CEP131: variants seen among roughly 807,000 people sequenced by gnomAD.
The protein encoded by CEP131 is centrosomal protein 131.
A neutral mutation model predicts 136.8 loss-of-function variants in CEP131; 99 were observed. That is an observed-to-expected ratio of 0.72 (90% CI 0.62 to 0.86). The LOEUF (loss-of-function observed/expected upper bound fraction) is 0.86, where lower values mean the gene tolerates loss of function less well. Among genes scored for constraint, CEP131 ranks in the 40% least tolerant of loss-of-function variants. The pLI is 0.00. For synonymous variants in CEP131, 646 were observed against 612.7 expected, an observed-to-expected ratio of 1.05 and a Z score of -0.80; for missense variants, 1,459 against 1,463.0, an observed-to-expected ratio of 1.00 and a Z score of 0.04.
rs768583643 is a variant in CEP131, at chr17:81,192,853, G to A, written c.2322-10C>T. The A allele has an allele frequency of 7.9e-5, 126 of 1,595,336 alleles. No homozygotes were observed. Among genetic ancestry groups the A allele is most frequent in the Non-Finnish European group, 9.6e-5 (113 of 1,178,540 alleles). ...CAGGTGCTGCTGGAACCTGCGGGACGGTCAGGACTGGCTCTCGGGGGCCGG... is the reference window on the plus strand; with the variant it reads ...CAGGTGCTGCTGGAACCTGCGGGACAGTCAGGACTGGCTCTCGGGGGCCGG... On this transcript the variant is annotated splice_polypyrimidine_tract_variant and intron_variant, in intron 18 of 25. Coordinates refer to ENST00000450824, the MANE Select transcript of CEP131 (RefSeq NM_014984.4).
chr17:81,201,547 T>C (rs1011760692), intron 7 of CEP131, among the ~76,000 whole-genome samples: 13 of 152,228 alleles, frequency 8.5e-5, no homozygotes, highest in African/African-American at 2.9e-4. Flanking sequence ...TTGCCTTTAA[T>C]GTTGTTTTAA....
Position 81,191,453 on chromosome 17 carries a change from T to A in CEP131, c.2623-118A>T. ...TGAGCCACAGGGGAGCAAGGGGCCTTCCCCCTCTCCAGACCCCTGTCCAGG... is the reference window on the plus strand; with the variant it reads ...TGAGCCACAGGGGAGCAAGGGGCCTACCCCCTCTCCAGACCCCTGTCCAGG... On this transcript the variant is annotated intron_variant, in intron 21 of 25. Transcript: ENST00000450824. 4 of 925,018 alleles carry A rather than the reference T, an allele frequency of 4.3e-6. No individual in the cohort carries two copies. The South Asian group carries it at 5.9e-5, about 14-fold the overall frequency. 57.3% of individuals were successfully genotyped at this position (925,018 alleles called of 1,614,324 possible).
Position 81,208,932 on chromosome 17 carries a change from G to T in CEP131, c.268C>A (p.Pro90Thr). Residue 90 changes from proline to threonine, a missense_variant, in exon 3 of 26, where the codon CCC (proline) becomes ACC (threonine). This residue lies in a region of CEP131 where 187 missense variants were observed against 179.9 expected (regional missense o/e 1.04). Coordinates refer to ENST00000450824, the MANE Select transcript of CEP131 (RefSeq NM_014984.4). This position sits in a 1 kb window ranked among gnomAD's most constrained non-coding sequence, Gnocchi z 5.6. ...TQVSQPRSGS[P>T]RPTEPTDFLM... Reference sequence around the variant, plus strand: ...TCCAAGGGCCTTAGGGGTTACCTGGGGGAGCCGCTCCGAGGCTGGCTGACC... The same window carrying T: ...TCCAAGGGCCTTAGGGGTTACCTGGTGGAGCCGCTCCGAGGCTGGCTGACC... 6.2e-7 allele frequency: 1 copy of T among 1,613,452 alleles called. No individual in the cohort carries two copies.
At chr17:81,200,206 C>A in intron 8 of CEP131, 123 bp downstream of exon 8, 1 of 775,304 alleles carries the variant, frequency 1.3e-6, no homozygotes, top group South Asian at 1.8e-5. Flanking sequence ...GATGCTGCAC[C>A]CAGAGACGGG....
In CEP131 at chr17:81,199,802, A is replaced by G; in HGVS notation, c.940T>C (p.Leu314=). 6.2e-7 allele frequency: 1 copy of G among 1,611,678 alleles called. No individual in the cohort carries two copies. The highest frequency in any genetic ancestry group is 8.5e-7 in the Non-Finnish European group (1 of 1,179,958). ...GCCTCTTTCTGCTGGTGCAGGTCCA[A>G]GAGGGTCCCCTCGCCTGACCGCTGC... ...QRQRSGEGTL[L]DLHQQKEAAR... The change falls in exon 9 of 26, where the codon TTG becomes CTG. Residue 314 remains leucine, a synonymous_variant. Transcript: ENST00000450824.
At position 81,192,363 on chromosome 17, in the gene CEP131, C is replaced by T. The variant is rs576170952; in HGVS notation, c.2577G>A (p.Leu859=). The part of the protein sequence containing the change: ...QMELNTLKQQ[L]ELERQAWEAG... Reference sequence around the variant, plus strand: ...CCTCCCACGCCTGCCTCTCCAGCTCCAGCTGCTGCTTCAGGGTATTCAGCT... The same window carrying T: ...CCTCCCACGCCTGCCTCTCCAGCTCTAGCTGCTGCTTCAGGGTATTCAGCT... The change falls in exon 21 of 26, where the codon CTG becomes CTA. Residue 859 remains leucine (L), a synonymous_variant. Coordinates refer to ENST00000450824, the MANE Select transcript of CEP131 (RefSeq NM_014984.4). 1.0e-4 allele frequency: 163 copies of T among 1,594,212 alleles called. No homozygotes were observed. In the Admixed American group the frequency reaches 2.8e-3, roughly 28 times the overall value.
chr17:81,220,629 G>A (rs886211949), intron 1 of CEP131, among the ~76,000 whole-genome samples: 6 of 152,004 alleles, frequency 3.9e-5, no homozygotes, highest in African/African-American at 1.4e-4. Flanking sequence ...TGAGTAGCTG[G>A]GATTACAGGT....
rs536041606 is a variant in CEP131, at chr17:81,208,685, C to G, written c.272+243G>C. Among the ~76,000 whole-genome samples, 72 of 152,320 alleles carry G rather than the reference C, an allele frequency of 4.7e-4. No individual in the cohort carries two copies. The highest frequency in any genetic ancestry group is 1.6e-3 in the African/African-American group (67 of 41,570). On this transcript the variant is annotated intron_variant, in intron 3 of 25. Transcript: ENST00000450824. This position sits in a 1 kb window ranked among gnomAD's most constrained non-coding sequence, Gnocchi z 5.6. ...AGGGTCCCAGCAGCCGCCGGGACAG[C>G]AAGGAGGAAGGGAGGGATGCAGTGC...
At chr17:81,220,333 G>A (rs529125734) in intron 1 of CEP131, among the ~76,000 whole-genome samples, 23 of 152,294 alleles carry the variant, frequency 1.5e-4, no homozygotes, top group Admixed American at 5.2e-4. Context: ...GGCAAGGCCC[G>A]TGGGTGGGAA....
rs2061673422 is a variant in CEP131 at position 81,192,836 on chromosome 17, G to T, written c.2329C>A (p.Gln777Lys). The T allele has an allele frequency of 2.5e-6, 4 of 1,597,632 alleles. No individual in the cohort carries two copies. The East Asian group carries it at 8.9e-5, about 36-fold the overall frequency. The change falls in exon 19 of 26, where the codon CAG becomes AAG. Residue 777 changes from glutamine to lysine, a missense_variant. Gln to Lys is a moderately conservative substitution (Grantham distance 53). Coordinates refer to ENST00000450824, the MANE Select transcript of CEP131 (RefSeq NM_014984.4). ...ERERARQRFQ[Q>K]HLEQEQWALQ... is the part of the protein sequence containing the mutation. ...GCCCACTGCTCCTGCTCCAGGTGCTGCTGGAACCTGCGGGACGGTCAGGAC... is the reference window on the plus strand; with the variant it reads ...GCCCACTGCTCCTGCTCCAGGTGCTTCTGGAACCTGCGGGACGGTCAGGAC...
chr17:81,193,625 A>C (rs1432442376), intron 18 of CEP131, among the ~76,000 whole-genome samples: 1 of 152,152 alleles, frequency 6.6e-6, no homozygotes, highest in Admixed American at 6.5e-5. Flanking sequence ...CTCTGGGGCC[A>C]GTTGTGAAAG....
At chr17:81,211,720 C>T (rs796242207) in intron 2 of CEP131, among the ~76,000 whole-genome samples, 35 of 151,962 alleles carry the variant, frequency 2.3e-4, no homozygotes, top group African/African-American at 7.5e-4. Flanking sequence ...ATCACTTGAT[C>T]CCAGTAGTTC....
chr17:81,191,163 G>C, intron 22 of CEP131, 30 bp downstream of exon 22: 1 of 1,610,232 alleles, frequency 6.2e-7, no homozygotes, highest in Admixed American at 1.7e-5. Context: ...GGCCTCCCCA[G>C]CTGGTGACCC....
rs1232043982 is a variant in CEP131 at position 81,215,116 on chromosome 17, T to TA, written c.177+4763dup. 2.0e-5 allele frequency among the ~76,000 whole-genome samples: 3 copies of TA among 151,132 alleles called. No homozygotes were observed. The highest frequency in any genetic ancestry group is 6.6e-5 in the Admixed American group (1 of 15,156). On this transcript the variant is annotated intron_variant, in intron 2 of 25. Coordinates refer to ENST00000450824, the MANE Select transcript of CEP131 (RefSeq NM_014984.4). This position sits in a 1 kb window ranked among gnomAD's most constrained non-coding sequence, Gnocchi z 4.1. Reference sequence around the variant, plus strand: ...TAGTTTTAATTTTAATTTTAAAAGATAGAGTCTCACTCTGTTGCCCAGGCT... The same window carrying TA: ...TAGTTTTAATTTTAATTTTAAAAGATAAGAGTCTCACTCTGTTGCCCAGGCT...
At position 81,198,231 on chromosome 17, in the gene CEP131, T is replaced by C; in HGVS notation, c.1354A>G (p.Lys452Glu). ...EMMAPSRGSAKSRGPLEELLH... is the reference protein window; with the variant it reads ...EMMAPSRGSAESRGPLEELLH... ...AGCTCCTCCAGTGGCCCCCTGGACT[T>C]GGCGCTCCCCCTGCTCGGGGCCATC... The change falls in exon 12 of 26, where the codon AAG (lysine) becomes GAG (glutamate). Residue 452 changes from lysine to glutamate, a missense_variant. Lys to Glu is a moderately conservative substitution (Grantham distance 56). Around this residue, in one of 3 missense-constraint regions of CEP131, gnomAD observed 1,026 missense variants for 964.2 expected, o/e 1.06. Transcript: ENST00000450824. 1 of 1,602,194 alleles carries C rather than the reference T, an allele frequency of 6.2e-7. No individual in the cohort carries two copies. The highest frequency in any genetic ancestry group is 1.1e-5 in the South Asian group (1 of 89,214).
intron 13 of CEP131, chr17:81,197,440 C>A: frequency 1.8e-6 from 1 of 551,172 alleles, no homozygotes; most frequent in Non-Finnish European, 3.2e-6. Flanking sequence ...CTCGTGGAGG[C>A]AGCTCGGGGC....
intron 24 of CEP131, 108 bp from the exon 25 acceptor site, chr17:81,190,083 GCCCT>G: frequency 9.7e-7 from 1 of 1,028,484 alleles, no homozygotes. Context: ...CCTGGTCCCA[GCCCT>G]GCTGACCACG....
At chr17:81,198,359 T>C (rs531737783) in intron 11 of CEP131, 62 bp from the exon 12 acceptor site, 331 of 1,484,492 alleles carry the variant, frequency 2.2e-4, no homozygotes, top group Non-Finnish European at 2.9e-4. Context: ...AGCCCCCACA[T>C]AGGAGGCCAA....
In CEP131 at chr17:81,203,953, C is replaced by T. The variant is rs991373901; in HGVS notation, c.516-346G>A. The T allele has an allele frequency of 9.8e-5, 23 of 235,488 alleles. No individual in the cohort carries two copies. Among genetic ancestry groups the T allele is most frequent in the Admixed American group, 4.4e-4 (8 of 18,366 alleles). 14.6% of individuals were successfully genotyped at this position (235,488 alleles called of 1,614,324 possible). ...AGAAGCGAAGCCCCATCCCACACGACGGATGGAAGCCACATTCTCTGCCTC... is the reference window on the plus strand; with the variant it reads ...AGAAGCGAAGCCCCATCCCACACGATGGATGGAAGCCACATTCTCTGCCTC... On this transcript the variant is annotated intron_variant, in intron 5 of 25. Transcript: ENST00000450824. The surrounding 1 kb of genome is among the most constrained non-coding windows in gnomAD (Gnocchi z 4.6).
Sources: allele counts gnomAD v4.1 joint callset (sites outside exome capture counted in the v4.1 genomes callset), GRCh38; gene constraint gnomAD v4.1.1; regional missense constraint gnomAD v4.1.1; non-coding constraint Gnocchi (gnomAD v3.1); transcripts MANE v1.5; gene names NCBI Gene and HGNC (gene_info 2026-07-23, HGNC 2026-07-21).